Variants in SOX5 observed in about 807,000 individuals in gnomAD.
SOX5 encodes the protein SRY-box transcription factor 5, also known as transcription factor SOX-5.
SOX5 carries 9 observed loss-of-function variants against 92.0 expected under a neutral mutation model. That is an observed-to-expected ratio of 0.10 (90% CI 0.06 to 0.17). The LOEUF is 0.17. SOX5 is among the 10% of genes least tolerant of loss of function. SOX5 has a pLI of 1.00. For missense variants in SOX5, 642 were observed against 944.5 expected, an observed-to-expected ratio of 0.68 and a Z score of 4.20; for synonymous variants, 344 against 336.3, an observed-to-expected ratio of 1.02 and a Z score of -0.25.
At chr12:23,998,140 T>C (rs1951216079) in intron 4 of SOX5, among the ~76,000 whole-genome samples, 2 of 152,066 alleles carry the variant, frequency 1.3e-5, no homozygotes, top group Non-Finnish European at 2.9e-5. Context: ...TAACAAAAAC[T>C]TCAAAATAGC....
chr12:23,702,746 CAG>C (rs1298315330), intron 6 of SOX5, among the ~76,000 whole-genome samples: 3 of 151,038 alleles, frequency 2.0e-5, no homozygotes, highest in African/African-American at 4.9e-5. Context: ...AAAAGAGAAA[CAG>C]AGAGTGTGTG....
chr12:24,264,231 C>T (rs1390257011), intron 3 of SOX5, among the ~76,000 whole-genome samples: 1 of 152,094 alleles, frequency 6.6e-6, no homozygotes, highest in Admixed American at 6.5e-5. Flanking sequence ...AGATAGATAT[C>T]TTGGTATTTG....
At chr12:23,595,375 C>T (rs149760175) in intron 9 of SOX5, among the ~76,000 whole-genome samples, 1 of 152,056 alleles carries the variant, frequency 6.6e-6, no homozygotes, top group Non-Finnish European at 1.5e-5. Context: ...GTAATCCCAG[C>T]ACTTTGGGAG....
intron 4 of SOX5, among the ~76,000 whole-genome samples, chr12:24,055,353 G>C (rs899432495): frequency 6.6e-6 from 1 of 152,198 alleles, no homozygotes; most frequent in African/African-American, 2.4e-5. Flanking sequence ...ATAACTGATA[G>C]AAGTCTGTAA....
chr12:23,904,070 TTC>T (rs981738251), intron 1 of SOX5, among the ~76,000 whole-genome samples: 1 of 152,208 alleles, frequency 6.6e-6, no homozygotes, highest in Non-Finnish European at 1.5e-5. Context: ...TGCTTTCCTT[TTC>T]TCTCTTACAT....
intron 3 of SOX5, among the ~76,000 whole-genome samples, chr12:24,230,883 C>G (rs1963248721): frequency 6.6e-6 from 1 of 152,198 alleles, no homozygotes. Context: ...ATATTGACTT[C>G]TTATTCTTCC....
At chr12:24,202,969 A>G (rs995782530) in intron 4 of SOX5, among the ~76,000 whole-genome samples, 1 of 152,188 alleles carries the variant, frequency 6.6e-6, no homozygotes, top group African/African-American at 2.4e-5. Flanking sequence ...ATTTATCATT[A>G]TATTTTCACC....
At chr12:24,363,095 T>A (rs2136193051) in intron 2 of SOX5, among the ~76,000 whole-genome samples, 1 of 151,974 alleles carries the variant, frequency 6.6e-6, no homozygotes, top group Non-Finnish European at 1.5e-5. Context: ...AGCTACTAAC[T>A]TTATCCTTAC....
At chr12:23,547,911 G>A (rs751739657) in intron 11 of SOX5, among the ~76,000 whole-genome samples, 32 of 152,036 alleles carry the variant, frequency 2.1e-4, no homozygotes, top group South Asian at 1.9e-3. Flanking sequence ...TGAGAGAGTC[G>A]GCTGTATATA....
At chr12:24,297,434 C>T (rs1049249920) in intron 2 of SOX5, among the ~76,000 whole-genome samples, 3 of 152,194 alleles carry the variant, frequency 2.0e-5, no homozygotes, top group Non-Finnish European at 2.9e-5. Context: ...AATACCGCAG[C>T]GTGGGTATAC....
chr12:23,739,697 T>A (rs1229691459), intron 5 of SOX5, among the ~76,000 whole-genome samples: 1 of 152,146 alleles, frequency 6.6e-6, no homozygotes, highest in Non-Finnish European at 1.5e-5. Context: ...TTAAGGCCTA[T>A]AAGCCTGCCA....
chr12:23,530,821 G>A lies in SOX5; in HGVS notation c.*3398C>T, dbSNP rs1362729574. On this transcript the variant is annotated 3_prime_UTR_variant, in exon 15 of 15. Coordinates refer to ENST00000451604, the MANE Select transcript of SOX5 (RefSeq NM_006940.6). ...CAAGTGTGTGTGTGTGTGTGTGTGC[G>A]CGCGCGCGCGCGCGCATGTGAGAGA... The A allele has an allele frequency of 7.1e-6, 1 of 140,654 alleles. No homozygotes were observed. Among genetic ancestry groups the A allele is most frequent in the African/African-American group, 2.7e-5 (1 of 37,496 alleles). The allele number at this position is 140,654 out of a possible 1,614,324, so 8.7% of individuals were successfully genotyped here. A position where few individuals can be genotyped will look rare whatever the true frequency, so the allele number is the denominator to read the frequency against.
At chr12:23,629,139 C>T (rs895237386) in intron 8 of SOX5, among the ~76,000 whole-genome samples, 1 of 151,906 alleles carries the variant, frequency 6.6e-6, no homozygotes, top group Non-Finnish European at 1.5e-5. Context: ...AATAGCTTTC[C>T]ACAAAAGAAT....
rs528741802 is a variant in SOX5 at position 23,804,915 on chromosome 12, TTATATATATATATATATATATATATATA to T, written c.481+41040_481+41067del. Among the ~76,000 whole-genome samples the T allele has an allele frequency of 6.4e-3, 479 of 75,072 alleles. 17 individuals are homozygous for T. The highest frequency in any genetic ancestry group is 0.018 in the African/African-American group (360 of 19,500). 49.3% of individuals were successfully genotyped at this position (75,072 alleles called of 152,430 possible). ...TTTTCTCTATTTACCTATCATTGTT[TTATATATATATATATATATATATATATA>T]TATATATATATATATATATATATAT... On this transcript the variant is annotated intron_variant, in intron 3 of 14. Coordinates refer to ENST00000451604, the MANE Select transcript of SOX5 (RefSeq NM_006940.6).
intron 4 of SOX5, among the ~76,000 whole-genome samples, chr12:24,001,049 A>T (rs1294837127): frequency 2.0e-5 from 3 of 152,192 alleles, no homozygotes; most frequent in South Asian, 2.1e-4. Context: ...AAAAGTTTTC[A>T]TGATGGCACA....
chr12:23,950,755 CATAGCAGTTCCAATT>C (rs1415647178), upstream of SOX5: 2 of 931,336 alleles, frequency 2.1e-6, no homozygotes, highest in Non-Finnish European at 3.3e-6. Flanking sequence ...GCACAGCCTC[CATAGCAGTTCCAATT>C]ATCTAGATAA....
intron 4 of SOX5, among the ~76,000 whole-genome samples, chr12:24,034,565 G>C (rs1955832793): frequency 8.3e-6 from 1 of 120,148 alleles, no homozygotes; most frequent in South Asian, 2.6e-4. Context: ...CCAATGCTCG[G>C]GAGGATTTTT....
intron 3 of SOX5, among the ~76,000 whole-genome samples, chr12:24,224,048 G>C (rs1454857097): frequency 6.6e-6 from 1 of 152,248 alleles, no homozygotes. Context: ...GTGGTAGACA[G>C]ATGCCCCACT....
intron 3 of SOX5, among the ~76,000 whole-genome samples, chr12:23,842,022 C>A (rs1342168157): frequency 6.6e-6 from 1 of 151,956 alleles, no homozygotes; most frequent in Non-Finnish European, 1.5e-5. Context: ...GTAAAGAATA[C>A]AGAACTAGTT....
Sources: allele counts gnomAD v4.1 joint callset (sites outside exome capture counted in the v4.1 genomes callset), GRCh38; gene constraint gnomAD v4.1.1; transcripts MANE v1.5; gene names NCBI Gene and HGNC (gene_info 2026-07-23, HGNC 2026-07-21).